The following LRRN3 variants were observed in gnomAD, a reference collection of about 807,000 sequenced individuals.
The protein encoded by LRRN3 is leucine-rich repeat neuronal protein 3.
A neutral mutation model predicts 40.1 loss-of-function variants in LRRN3; 15 were observed. That is an observed-to-expected ratio of 0.37 (90% confidence interval 0.25 to 0.58). The LOEUF (loss-of-function observed/expected upper bound fraction) is 0.58. LRRN3 is among the 20% of genes least tolerant of loss of function. The pLI is 0.72. For synonymous variants in LRRN3, 308 were observed against 297.2 expected (o/e 1.04, Z -0.37); for missense variants, 746 against 837.7 (o/e 0.89, Z 1.35).
intron 2 of LRRN3, among the ~76,000 whole-genome samples, chr7:111,120,891 A>G (rs1181206770): frequency 1.3e-5 from 2 of 152,090 alleles, no homozygotes; most frequent in Non-Finnish European, 2.9e-5. Context: ...TTGTAAGTGA[A>G]CAGTATTATT....
At chr7:111,121,710 C>T (rs1680052477) in intron 2 of LRRN3, among the ~76,000 whole-genome samples, 1 of 152,134 alleles carries the variant, frequency 6.6e-6, no homozygotes, top group South Asian at 2.1e-4. Flanking sequence ...TACCATTTGA[C>T]CCAGCCAACC....
At chr7:111,111,299 TA>T (rs751990466) in intron 2 of LRRN3, among the ~76,000 whole-genome samples, 2,295 of 92,238 alleles carry the variant, frequency 0.025, 35 homozygotes, top group African/African-American at 0.068. Flanking sequence ...GTAGCAGTTG[TA>T]AAAAAAAAAA....
At chr7:111,103,474 G>A (rs541537630) in intron 2 of LRRN3, among the ~76,000 whole-genome samples, 3 of 151,496 alleles carry the variant, frequency 2.0e-5, no homozygotes, top group Non-Finnish European at 3.0e-5. Context: ...GGTAAATAGC[G>A]TGATACATTT....
At chr7:111,097,824 C>T (rs185695690) in intron 1 of LRRN3, among the ~76,000 whole-genome samples, 205 of 151,886 alleles carry the variant, frequency 1.3e-3, no homozygotes, top group Middle Eastern at 3.4e-3. Flanking sequence ...CCACAATGAC[C>T]TTTACTGAAA....
In LRRN3 at chr7:111,096,517, A is replaced by AC. The variant is rs1554515039; in HGVS notation, c.-440-3364_-440-3363insC. On this transcript the variant is annotated intron_variant, in intron 1 of 2. Transcript: ENST00000308478. ...ATGCCTGAGTTAAATTTAAAAAAAA[A>AC]AAAACAAAACAAAACCCACAACCAA... Among the ~76,000 whole-genome samples, 74 of 151,162 alleles carry AC rather than the reference A, an allele frequency of 4.9e-4. No individual in the cohort carries two copies. The Middle Eastern group carries it at 0.01, about 21-fold the overall frequency.
intron 2 of LRRN3, among the ~76,000 whole-genome samples, chr7:111,115,706 G>A (rs1011721579): frequency 2.6e-5 from 4 of 151,008 alleles, no homozygotes; most frequent in Admixed American, 6.6e-5. Context: ...ACACTCTGTC[G>A]CTCAGGCTAG....
chr7:111,103,082 C>T (rs1563244966), intron 2 of LRRN3, among the ~76,000 whole-genome samples: 3 of 151,454 alleles, frequency 2.0e-5, no homozygotes, highest in African/African-American at 7.3e-5. Context: ...TATTTGTACT[C>T]TAATTAGCAT....
At chr7:111,121,123 C>A (rs544348980) in intron 2 of LRRN3, among the ~76,000 whole-genome samples, 7 of 152,244 alleles carry the variant, frequency 4.6e-5, no homozygotes, top group Admixed American at 2.0e-4. Flanking sequence ...AACCTTTTAA[C>A]GATTAAATTT....
At chr7:111,093,673 A>G (rs759064499) in intron 1 of LRRN3, among the ~76,000 whole-genome samples, 1 of 152,190 alleles carries the variant, frequency 6.6e-6, no homozygotes, top group Non-Finnish European at 1.5e-5. Flanking sequence ...TGCCCACTTC[A>G]GTCTGAGAAA....
chr7:111,097,942 T>C (rs1251206914), intron 1 of LRRN3, among the ~76,000 whole-genome samples: 2 of 151,760 alleles, frequency 1.3e-5, no homozygotes, highest in Non-Finnish European at 2.9e-5. Context: ...GCCCAAGGCA[T>C]TGAGAACAAA....
At chr7:111,111,409 C>T (rs552093766) in intron 2 of LRRN3, among the ~76,000 whole-genome samples, 4 of 150,986 alleles carry the variant, frequency 2.6e-5, no homozygotes, top group African/African-American at 9.8e-5. Context: ...CCATCCCCCC[C>T]CAAAAAAAAA....
At chr7:111,116,295 A>G (rs2129585617) in intron 2 of LRRN3, among the ~76,000 whole-genome samples, 1 of 152,302 alleles carries the variant, frequency 6.6e-6, no homozygotes, top group Admixed American at 6.5e-5. Flanking sequence ...AGGACATAAA[A>G]TAAAATTGCC....
intron 1 of LRRN3, among the ~76,000 whole-genome samples, chr7:111,098,515 A>T (rs2129579403): frequency 6.6e-6 from 1 of 151,912 alleles, no homozygotes; most frequent in Middle Eastern, 3.4e-3. Flanking sequence ...AAATTAATGT[A>T]AGCAGAGCCC....
chr7:111,102,352 A>C (rs943528011), intron 2 of LRRN3, among the ~76,000 whole-genome samples: 5 of 151,504 alleles, frequency 3.3e-5, no homozygotes, highest in Non-Finnish European at 7.4e-5. Flanking sequence ...GAAACTCAGC[A>C]GTGCCTTATC....
chr7:111,098,684 G>T (rs1185484255), intron 1 of LRRN3, among the ~76,000 whole-genome samples: 1 of 151,566 alleles, frequency 6.6e-6, no homozygotes, highest in Non-Finnish European at 1.5e-5. Context: ...TCTTCATAAC[G>T]ACCGTACTAA....
chr7:111,105,187 T>C (rs1268406044), intron 2 of LRRN3, among the ~76,000 whole-genome samples: 6 of 151,876 alleles, frequency 4.0e-5, no homozygotes, highest in Admixed American at 3.9e-4. Context: ...CCTTTAAAAA[T>C]TAATTTGATT....
chr7:111,098,520 G>A (rs1364850753), intron 1 of LRRN3, among the ~76,000 whole-genome samples: 1 of 151,748 alleles, frequency 6.6e-6, no homozygotes, highest in Admixed American at 6.6e-5. Flanking sequence ...AATGTAAGCA[G>A]AGCCCTTATA....
intron 2 of LRRN3, among the ~76,000 whole-genome samples, chr7:111,102,616 T>C (rs1374051248): frequency 6.6e-6 from 1 of 151,618 alleles, no homozygotes; most frequent in Non-Finnish European, 1.5e-5. Flanking sequence ...AGAGAAAAAT[T>C]ACTAAATGGA....
In LRRN3 at chr7:111,123,325, G is replaced by C. The variant is rs773818533; in HGVS notation, c.553G>C (p.Asp185His). ...RLQMINSKWF[D>H]ALPNLEILMI... Reference sequence around the variant, plus strand: ...GCAGATGATCAACAGTAAGTGGTTTGATGCTCTTCCAAATCTAGAGATTCT... The same window carrying C: ...GCAGATGATCAACAGTAAGTGGTTTCATGCTCTTCCAAATCTAGAGATTCT... The change falls in exon 3 of 3, where the codon GAT becomes CAT. Residue 185 changes from aspartate to histidine, a missense_variant. Coordinates refer to ENST00000308478, the MANE Select transcript of LRRN3 (RefSeq NM_001099658.2). The surrounding 1 kb of genome is among the most constrained non-coding windows in gnomAD (Gnocchi z 6.4). The C allele has an allele frequency of 6.2e-7, 1 of 1,613,630 alleles. No homozygotes were observed. Among genetic ancestry groups the C allele is most frequent in the Non-Finnish European group, 8.5e-7 (1 of 1,179,920 alleles).
Sources: allele counts gnomAD v4.1 joint callset (sites outside exome capture counted in the v4.1 genomes callset), GRCh38; gene constraint gnomAD v4.1.1; non-coding constraint Gnocchi (gnomAD v3.1); transcripts MANE v1.5; gene names NCBI Gene and HGNC (gene_info 2026-07-23, HGNC 2026-07-21).